The following ROBO1 variants were observed in gnomAD, a reference collection of about 807,000 sequenced individuals.
The protein encoded by ROBO1 is roundabout guidance receptor 1.
Under a neutral mutation model 195.9 loss-of-function variants are expected in ROBO1, and 149 were observed. The ratio of observed to expected loss-of-function variants is 0.76; its 90% CI spans 0.67 to 0.87. The LOEUF (loss-of-function observed/expected upper bound fraction) is 0.87, where lower values mean the gene tolerates loss of function less well. Ranked by LOEUF, ROBO1 falls within the 40% of genes least tolerant of loss-of-function variation. The pLI, the probability that ROBO1 is intolerant of heterozygous loss-of-function variation, is 0.00. For synonymous variants in ROBO1, 816 were observed against 733.2 expected, an observed-to-expected ratio of 1.11 and a Z score of -1.82; for missense variants, 1,933 against 2,068.3, an observed-to-expected ratio of 0.93 and a Z score of 1.27.
intron 2 of ROBO1, among the ~76,000 whole-genome samples, chr3:79,395,797 A>T (rs911932774): frequency 6.6e-6 from 1 of 152,102 alleles, no homozygotes; most frequent in Non-Finnish European, 1.5e-5. Flanking sequence ...ACACTATCTT[A>T]GTGTTACGTT....
chr3:79,279,571 C>G (rs73112718), intron 2 of ROBO1, among the ~76,000 whole-genome samples: 29,187 of 152,100 alleles, frequency 0.19, 3,165 homozygotes, highest in African/African-American at 0.3. Flanking sequence ...CCTACAAATA[C>G]AAGTACCATG....
chr3:78,687,560 G>A (rs903228242), intron 9 of ROBO1, among the ~76,000 whole-genome samples: 6 of 152,136 alleles, frequency 3.9e-5, no homozygotes, highest in African/African-American at 4.8e-5. Context: ...AAAAGGTCAG[G>A]AGTAAGTGTT....
intron 1 of ROBO1, among the ~76,000 whole-genome samples, chr3:79,757,975 C>T (rs1158689082): frequency 6.6e-6 from 1 of 152,186 alleles, no homozygotes; most frequent in Non-Finnish European, 1.5e-5. Context: ...TCATTACCTT[C>T]TTGATCAGGC....
intron 2 of ROBO1, among the ~76,000 whole-genome samples, chr3:79,424,950 C>T (rs1260334713): frequency 6.6e-6 from 1 of 152,078 alleles, no homozygotes; most frequent in African/African-American, 2.4e-5. Context: ...AAGTAAAAAA[C>T]GCAGAAAACC....
At chr3:79,059,944 G>T (rs935634977) in intron 3 of ROBO1, among the ~76,000 whole-genome samples, 1 of 151,976 alleles carries the variant, frequency 6.6e-6, no homozygotes, top group African/African-American at 2.4e-5. Flanking sequence ...CTGCCGAGCT[G>T]GGCAGAACAG....
At chr3:79,528,377 G>A (rs1053832075) in intron 2 of ROBO1, among the ~76,000 whole-genome samples, 1 of 151,906 alleles carries the variant, frequency 6.6e-6, no homozygotes, top group South Asian at 2.1e-4. Context: ...GATTTGTATC[G>A]GATGGAAATG....
chr3:79,193,615 A>C (rs988194296), intron 2 of ROBO1, among the ~76,000 whole-genome samples: 1 of 146,894 alleles, frequency 6.8e-6, no homozygotes, highest in Non-Finnish European at 1.5e-5. Flanking sequence ...GTATCAGAAA[A>C]GTAGAAATCG....
chr3:79,763,220 C>T (rs1576333457), intron 1 of ROBO1, among the ~76,000 whole-genome samples: 1 of 151,624 alleles, frequency 6.6e-6, no homozygotes, highest in East Asian at 1.9e-4. Flanking sequence ...GGAAATGTAT[C>T]ACAACATCTG....
intron 2 of ROBO1, among the ~76,000 whole-genome samples, chr3:79,253,771 T>C (rs1169555870): frequency 6.6e-6 from 1 of 152,214 alleles, no homozygotes; most frequent in Non-Finnish European, 1.5e-5. Context: ...GAGTATATCT[T>C]AGACGCTAAG....
At chr3:79,019,008 T>A (rs1046854767) in intron 3 of ROBO1, 2 of 989,564 alleles carry the variant, frequency 2.0e-6, no homozygotes, top group Non-Finnish European at 2.4e-6. Flanking sequence ...GGGCTCGGGG[T>A]GCCGGGAGTG....
intron 2 of ROBO1, among the ~76,000 whole-genome samples, chr3:79,442,314 T>C (rs1264617856): frequency 6.6e-6 from 1 of 152,138 alleles, no homozygotes; most frequent in African/African-American, 2.4e-5. Context: ...GTGCTTATTG[T>C]GGTGGTAATA....
At chr3:79,231,967 G>T (rs1471887066) in intron 2 of ROBO1, among the ~76,000 whole-genome samples, 1 of 152,026 alleles carries the variant, frequency 6.6e-6, no homozygotes, top group Non-Finnish European at 1.5e-5. Context: ...TGCAGAAACA[G>T]AAAACCAAAT....
At chr3:79,058,801 C>T (rs558066810) in intron 3 of ROBO1, among the ~76,000 whole-genome samples, 6 of 152,146 alleles carry the variant, frequency 3.9e-5, no homozygotes, top group Admixed American at 3.3e-4. Context: ...GAATCCTCCC[C>T]CTCAATACAT....
intron 2 of ROBO1, among the ~76,000 whole-genome samples, chr3:79,500,478 T>C (rs1940010497): frequency 6.6e-6 from 1 of 152,152 alleles, no homozygotes; most frequent in Non-Finnish European, 1.5e-5. Context: ...AGCTCCATTG[T>C]TGTTGATGTC....
At chr3:78,703,950 A>G (rs1282686724) in intron 8 of ROBO1, among the ~76,000 whole-genome samples, 1 of 152,078 alleles carries the variant, frequency 6.6e-6, no homozygotes, top group Non-Finnish European at 1.5e-5. Flanking sequence ...CCAGTTTGCT[A>G]TGTCTTGTCA....
intron 1 of ROBO1, among the ~76,000 whole-genome samples, chr3:79,685,465 G>A (rs1408022349): frequency 6.6e-6 from 1 of 152,142 alleles, no homozygotes; most frequent in African/African-American, 2.4e-5. Flanking sequence ...CAGCCCATTT[G>A]TTCCAATGGC....
intron 3 of ROBO1, among the ~76,000 whole-genome samples, chr3:79,099,927 AAGG>A (rs982195220): frequency 6.6e-5 from 10 of 151,770 alleles, no homozygotes; most frequent in Admixed American, 4.6e-4. Context: ...AATGAATTGG[AAGG>A]AGACCAGTAA....
At chr3:79,215,105 G>T (rs2082032358) in intron 2 of ROBO1, among the ~76,000 whole-genome samples, 1 of 151,988 alleles carries the variant, frequency 6.6e-6, no homozygotes, top group Non-Finnish European at 1.5e-5. Context: ...CCATCTGTAG[G>T]TGGGTCATTG....
At chr3:78,987,146 G>A (rs1367119793) in intron 3 of ROBO1, among the ~76,000 whole-genome samples, 1 of 139,814 alleles carries the variant, frequency 7.2e-6, no homozygotes, top group Non-Finnish European at 1.5e-5. Context: ...TTTTTTTTGT[G>A]CCATAAACAC....
Sources: gnomAD v4.1 joint callset for allele counts (sites outside exome capture counted in the v4.1 genomes callset) on GRCh38, gnomAD v4.1.1 for gene constraint, MANE v1.5 for transcripts, NCBI Gene and HGNC (gene_info 2026-07-23, HGNC 2026-07-21) for gene names.